CNIH3: variants seen among roughly 807,000 people sequenced by gnomAD.
CNIH3 encodes the protein protein cornichon homolog 3.
A neutral mutation model predicts 24.1 loss-of-function variants in CNIH3; 14 were observed. The observed-to-expected ratio is 0.58, with a 90% CI of 0.38 to 0.91. The LOEUF (loss-of-function observed/expected upper bound fraction) is 0.91. Among genes scored for constraint, CNIH3 ranks in the 40% least tolerant of loss-of-function variants. The pLI is 0.00. For missense variants in CNIH3, 178 were observed against 196.8 expected (o/e 0.90, Z 0.57); for synonymous variants, 68 against 73.8 (o/e 0.92, Z 0.40).
intron 4 of CNIH3, chr1:224,575,233 T>C: frequency 1.5e-6 from 2 of 1,339,402 alleles, no homozygotes; most frequent in Middle Eastern, 2.5e-4. Context: ...CCCAAGTCTG[T>C]GACACCAGAA....
chr1:224,715,613 C>T (rs1688386534), intron 3 of CNIH3, among the ~76,000 whole-genome samples: 1 of 152,130 alleles, frequency 6.6e-6, no homozygotes, highest in South Asian at 2.1e-4. Context: ...AGGTTGGGCA[C>T]CTGGTGAAAG....
chr1:224,470,911 G>A (rs1278667771), intron 1 of CNIH3, among the ~76,000 whole-genome samples: 1 of 152,146 alleles, frequency 6.6e-6, no homozygotes, highest in Non-Finnish European at 1.5e-5. Flanking sequence ...GGATAAATGA[G>A]ATATCCATAA....
At chr1:224,557,445 C>A (rs982286503) in intron 3 of CNIH3, among the ~76,000 whole-genome samples, 5 of 152,112 alleles carry the variant, frequency 3.3e-5, no homozygotes, top group Non-Finnish European at 7.4e-5. Context: ...TGAGGTGGAA[C>A]TGAGGGGTTC....
At chr1:224,648,248 T>C (rs1684705259) in intron 1 of CNIH3, among the ~76,000 whole-genome samples, 1 of 151,686 alleles carries the variant, frequency 6.6e-6, no homozygotes. Flanking sequence ...CCTGTCTCTA[T>C]TAAAATACAA....
intron 1 of CNIH3, among the ~76,000 whole-genome samples, chr1:224,679,507 G>A (rs925978379): frequency 6.6e-6 from 1 of 152,176 alleles, no homozygotes; most frequent in African/African-American, 2.4e-5. Context: ...AGTTTAATAA[G>A]GAAAGCAATG....
intron 1 of CNIH3, among the ~76,000 whole-genome samples, chr1:224,662,889 A>AATTTTG (rs1413169877): frequency 6.6e-6 from 1 of 152,110 alleles, no homozygotes; most frequent in Non-Finnish European, 1.5e-5. Flanking sequence ...TGTGAACCAA[A>AATTTTG]ATTTTGGGTT....
At chr1:224,434,725 T>C (rs1674561203) in exon 1 of CNIH3, 2 of 982,206 alleles carry the variant, frequency 2.0e-6, no homozygotes, top group Non-Finnish European at 2.4e-6. Flanking sequence ...CGGAGGCAGC[T>C]GCCGCCTCTG....
intron 1 of CNIH3, among the ~76,000 whole-genome samples, chr1:224,623,897 G>A (rs1260270145): frequency 6.6e-6 from 1 of 152,122 alleles, no homozygotes; most frequent in Admixed American, 6.6e-5. Context: ...CTGCAGACAA[G>A]CCTTTGGTCC....
intron 1 of CNIH3, among the ~76,000 whole-genome samples, chr1:224,665,482 T>A (rs1685553609): frequency 6.6e-6 from 1 of 152,262 alleles, no homozygotes; most frequent in Non-Finnish European, 1.5e-5. Flanking sequence ...ATTCATTCTT[T>A]CAATAGATAC....
intron 1 of CNIH3, among the ~76,000 whole-genome samples, chr1:224,520,326 T>C (rs770261126): frequency 2.6e-5 from 4 of 152,232 alleles, no homozygotes; most frequent in Admixed American, 2.0e-4. Context: ...TCTGTAAAGC[T>C]TTCCTAAGCT....
chr1:224,708,193 TC>T (rs1477382861), intron 3 of CNIH3, among the ~76,000 whole-genome samples: 9 of 152,070 alleles, frequency 5.9e-5, no homozygotes, highest in African/African-American at 2.2e-4. Context: ...CCCCTCCACT[TC>T]CTGTCCTCAC....
chr1:224,504,246 G>A (rs2124878219), intron 1 of CNIH3, among the ~76,000 whole-genome samples: 2 of 152,308 alleles, frequency 1.3e-5, no homozygotes, highest in African/African-American at 4.8e-5. Flanking sequence ...CTAGCACCCT[G>A]TTAAGGCTGG....
intron 3 of CNIH3, among the ~76,000 whole-genome samples, chr1:224,601,542 A>G (rs1682210303): frequency 6.6e-6 from 1 of 152,126 alleles, no homozygotes; most frequent in Non-Finnish European, 1.5e-5. Context: ...ATTATTTTAG[A>G]GAGACAGTGT....
At chr1:224,551,340 A>G (rs973730490) in intron 3 of CNIH3, among the ~76,000 whole-genome samples, 2 of 152,340 alleles carry the variant, frequency 1.3e-5, no homozygotes, top group Admixed American at 1.3e-4. Flanking sequence ...CAACAATGAT[A>G]GACTAGATTA....
chr1:224,565,882 G>A (rs1483299509), intron 3 of CNIH3: 4 of 152,114 alleles, frequency 2.6e-5, no homozygotes, highest in African/African-American at 9.7e-5. Flanking sequence ...GGTGCTCAGT[G>A]GTTGAGCAGA....
At chr1:224,657,558 A>G (rs9660759) in intron 1 of CNIH3, among the ~76,000 whole-genome samples, 26,910 of 152,220 alleles carry the variant, frequency 0.18, 2,546 homozygotes, top group African/African-American at 0.23. Context: ...CAATATTTCA[A>G]ATAAAAGACA....
intron 2 of CNIH3, among the ~76,000 whole-genome samples, chr1:224,530,565 G>A (rs571305437): frequency 1.3e-5 from 2 of 152,086 alleles, no homozygotes; most frequent in South Asian, 2.1e-4. Context: ...TCAAGATGCT[G>A]AGCTGGAATT....
intron 3 of CNIH3, among the ~76,000 whole-genome samples, chr1:224,706,001 C>G (rs1687787010): frequency 6.6e-6 from 1 of 151,996 alleles, no homozygotes; most frequent in Non-Finnish European, 1.5e-5. Flanking sequence ...CTGATGACTA[C>G]TCTAGCACTT....
chr1:224,598,897 G>A (rs893768539), intron 3 of CNIH3, among the ~76,000 whole-genome samples: 4 of 152,100 alleles, frequency 2.6e-5, no homozygotes, highest in Non-Finnish European at 4.4e-5. Context: ...TATTGTGGTG[G>A]TCTGCAACCA....
Sources: allele counts gnomAD v4.1 joint callset (sites outside exome capture counted in the v4.1 genomes callset), GRCh38; gene constraint gnomAD v4.1.1; transcripts MANE v1.5; gene names NCBI Gene and HGNC (gene_info 2026-07-23, HGNC 2026-07-21).